The following CDC42BPB variants were observed in gnomAD, a reference collection of about 807,000 sequenced individuals.
The protein encoded by CDC42BPB is CDC42 binding protein kinase beta.
CDC42BPB carries 37 observed loss-of-function variants against 214.9 expected under a neutral mutation model. The observed-to-expected ratio is 0.17, with a 90% CI of 0.13 to 0.23. The LOEUF is 0.23. Among genes scored for constraint, CDC42BPB ranks in the 10% least tolerant of loss-of-function variants. CDC42BPB has a pLI of 1.00. For missense variants in CDC42BPB, 1,694 were observed against 2,227.0 expected (o/e 0.76, Z 4.82); for synonymous variants, 931 against 884.0 (o/e 1.05, Z -0.94).
chr14:102,996,048 C>T (rs749772785), intron 5 of CDC42BPB, among the ~76,000 whole-genome samples: 8 of 152,206 alleles, frequency 5.3e-5, no homozygotes, highest in Non-Finnish European at 1.0e-4. Context: ...AGCTTCTACA[C>T]AGCCAATTAA....
chr14:103,004,071 C>T lies in CDC42BPB; in HGVS notation c.352-48G>A, dbSNP rs111540050. ...AGTCTGTGTTCACTGGGAAGCAGGCCAGAGAGCGTACTGCCGGTCTCGGGG... is the reference window on the plus strand; with the variant it reads ...AGTCTGTGTTCACTGGGAAGCAGGCTAGAGAGCGTACTGCCGGTCTCGGGG... On this transcript the variant is annotated intron_variant, in intron 3 of 36. Coordinates refer to ENST00000361246, the MANE Select transcript of CDC42BPB (RefSeq NM_006035.4). This position sits in a 1 kb window ranked among gnomAD's most constrained non-coding sequence, Gnocchi z 5.3. 2 of 1,538,106 alleles carry T rather than the reference C, an allele frequency of 1.3e-6. No individual in the cohort carries two copies. The highest frequency in any genetic ancestry group is 1.8e-6 in the Non-Finnish European group (2 of 1,142,636).
At chr14:103,013,236 C>T (rs1886257174) in intron 1 of CDC42BPB, among the ~76,000 whole-genome samples, 2 of 152,202 alleles carry the variant, frequency 1.3e-5, no homozygotes, top group African/African-American at 4.8e-5. Flanking sequence ...CGGGGCAGCT[C>T]AGGGAACACA....
At chr14:102,995,470 C>T (rs890623990) in intron 5 of CDC42BPB, among the ~76,000 whole-genome samples, 2 of 152,160 alleles carry the variant, frequency 1.3e-5, no homozygotes, top group Admixed American at 1.3e-4. Context: ...CCACTGTGGC[C>T]GATGTTCTCT....
intron 21 of CDC42BPB, among the ~76,000 whole-genome samples, chr14:102,958,488 T>C (rs1432260651): frequency 6.6e-6 from 1 of 152,092 alleles, no homozygotes; most frequent in Non-Finnish European, 1.5e-5. Flanking sequence ...AGGAGTTCCA[T>C]TAGTGAGCTC....
chr14:102,944,437 G>A lies in CDC42BPB; in HGVS notation c.3862C>T (p.Pro1288Ser), dbSNP rs1485493716. The A allele has an allele frequency of 6.2e-7, 1 of 1,612,970 alleles. No homozygotes were observed. The highest frequency in any genetic ancestry group is 1.7e-5 in the Admixed American group (1 of 60,020). Residue 1288 changes from proline to serine, a missense_variant, in exon 30 of 37, where the codon CCC becomes TCC. By Grantham distance (74) the Pro-to-Ser change is moderately conservative (BLOSUM62 -1). Coordinates refer to ENST00000361246, the MANE Select transcript of CDC42BPB (RefSeq NM_006035.4). This position sits in a 1 kb window ranked among gnomAD's most constrained non-coding sequence, Gnocchi z 6.6. ...AGGAGGATTACGATCTTCTCCCTGG[G>A]AGCAAGCTCGATCTGGTGTACCTTC... ...CKKVHQIELAPREKIVILLCG... is the reference protein window; with the variant it reads ...CKKVHQIELASREKIVILLCG...
In CDC42BPB at chr14:102,937,767, G is replaced by A. The variant is rs1028250071; in HGVS notation, c.5004+337C>T. Among the ~76,000 whole-genome samples the A allele has an allele frequency of 3.3e-5, 5 of 152,258 alleles. 1 individual carries two copies. The highest frequency in any genetic ancestry group is 7.3e-5 in the Non-Finnish European group (5 of 68,046). On this transcript the variant is annotated intron_variant, in intron 36 of 36. Transcript: ENST00000361246. Reference sequence around the variant, plus strand: ...GTGGAAGGTCAGCCCAGACCAAAGAGACTGCTGATGTATCACATTGAAGTA... The same window carrying A: ...GTGGAAGGTCAGCCCAGACCAAAGAAACTGCTGATGTATCACATTGAAGTA...
At chr14:103,005,358 A>C (rs956625324) in intron 3 of CDC42BPB, among the ~76,000 whole-genome samples, 1 of 152,230 alleles carries the variant, frequency 6.6e-6, no homozygotes, top group Non-Finnish European at 1.5e-5. Context: ...GCTGAGTCTC[A>C]CAGTGACCTC....
Position 102,978,208 on chromosome 14 carries a change from G to T in CDC42BPB, c.1141-3C>A. 6.2e-7 allele frequency: 1 copy of T among 1,611,312 alleles called. No homozygotes were observed. Among genetic ancestry groups the T allele is most frequent in the Non-Finnish European group, 8.5e-7 (1 of 1,177,490 alleles). ...TGAGAACCAGGAGGTAATATTTCCT[G>T]CATAAGAACATATACAACACAAATG... On this transcript the variant is annotated splice_polypyrimidine_tract_variant and splice_region_variant and intron_variant, in intron 8 of 36. Coordinates refer to ENST00000361246, the MANE Select transcript of CDC42BPB (RefSeq NM_006035.4).
chr14:103,003,554 C>T (rs1895091359), intron 4 of CDC42BPB, among the ~76,000 whole-genome samples: 1 of 152,248 alleles, frequency 6.6e-6, no homozygotes, highest in Admixed American at 6.5e-5. Flanking sequence ...AGAGGCACTC[C>T]CGGACTCAGC....
Position 103,045,613 on chromosome 14 carries a change from G to C in CDC42BPB, c.175+11386C>G, listed in dbSNP as rs1318047930. 2.6e-5 allele frequency among the ~76,000 whole-genome samples: 4 copies of C among 152,126 alleles called. No homozygotes were observed. The South Asian group carries it at 8.3e-4, about 31-fold the overall frequency. On this transcript the variant is annotated intron_variant, in intron 1 of 36. Coordinates refer to ENST00000361246, the MANE Select transcript of CDC42BPB (RefSeq NM_006035.4). ...TCTCCTCCAATGCTTGTACAGCCAC[G>C]AGAGAAAAAAGAAAAACCTGCTCTC... is the stretch of plus-strand genomic sequence containing the variant.
chr14:103,006,632 T>A (rs942799551), intron 3 of CDC42BPB, among the ~76,000 whole-genome samples: 4 of 152,228 alleles, frequency 2.6e-5, no homozygotes, highest in African/African-American at 4.8e-5. Context: ...TTTAAGAAAA[T>A]TTTTTATAAA....
intron 16 of CDC42BPB, 55 bp from the exon 17 acceptor site, chr14:102,967,225 G>C: frequency 5.1e-6 from 8 of 1,567,592 alleles, no homozygotes; most frequent in Non-Finnish European, 7.0e-6. Flanking sequence ...CTTTAAGTAT[G>C]CTGGATTTAA....
intron 1 of CDC42BPB, among the ~76,000 whole-genome samples, chr14:103,037,899 G>A (rs1015625497): frequency 2.0e-5 from 3 of 151,306 alleles, no homozygotes; most frequent in African/African-American, 7.3e-5. Flanking sequence ...CGTGGTGGCG[G>A]GCGCCTATAG....
rs544187689 is a variant in CDC42BPB at position 103,055,421 on chromosome 14, C to T, written c.175+1578G>A. Among the ~76,000 whole-genome samples, 4 of 152,208 alleles carry T rather than the reference C, an allele frequency of 2.6e-5. No individual in the cohort carries two copies. In the South Asian group the frequency reaches 8.3e-4, roughly 32 times the overall value. On this transcript the variant is annotated intron_variant, in intron 1 of 36. Transcript: ENST00000361246. The stretch of plus-strand genomic sequence containing the variant: ...CTAGGCAACACAGTGAGACTCGTCT[C>T]CAAAGAAAAGAAAGAAAAGGTAAAC...
intron 36 of CDC42BPB, among the ~76,000 whole-genome samples, chr14:102,937,571 TG>T (rs1318576158): frequency 6.9e-6 from 1 of 145,636 alleles, no homozygotes; most frequent in Non-Finnish European, 1.5e-5. Context: ...CCCTCAGCAC[TG>T]CAGCTCCTCG....
At chr14:103,008,644 C>T in intron 2 of CDC42BPB, 89 bp from the exon 3 acceptor site, 1 of 1,544,942 alleles carries the variant, frequency 6.5e-7, no homozygotes, top group Non-Finnish European at 8.7e-7. Context: ...ATCCTAACAG[C>T]CCAGGAGCCT....
At chr14:102,960,432 C>T (rs1038700852) in intron 20 of CDC42BPB, among the ~76,000 whole-genome samples, 7 of 151,564 alleles carry the variant, frequency 4.6e-5, no homozygotes, top group Non-Finnish European at 1.0e-4. Flanking sequence ...GCCTGGGCAA[C>T]ACAGAGAGAC....
At chr14:102,942,669 C>T (rs1049422588) in intron 30 of CDC42BPB, among the ~76,000 whole-genome samples, 4 of 150,472 alleles carry the variant, frequency 2.7e-5, no homozygotes, top group African/African-American at 7.3e-5. Flanking sequence ...CTCAGCCTCC[C>T]AAGTAGCTGG....
chr14:102,973,639 C>T (rs1016441109), intron 12 of CDC42BPB, among the ~76,000 whole-genome samples: 6 of 146,152 alleles, frequency 4.1e-5, no homozygotes, highest in Admixed American at 1.3e-4. Flanking sequence ...GCCCTGTGGA[C>T]GGCCACCATG....
Sources: gnomAD v4.1 joint callset for allele counts (sites outside exome capture counted in the v4.1 genomes callset) on GRCh38, gnomAD v4.1.1 for gene constraint, Gnocchi (gnomAD v3.1) non-coding constraint, MANE v1.5 for transcripts, NCBI Gene and HGNC (gene_info 2026-07-23, HGNC 2026-07-21) for gene names.